The following AGAP1 variants were observed in gnomAD, a reference collection of about 807,000 sequenced individuals.
AGAP1 encodes ArfGAP with GTPase domain, ankyrin repeat and PH domain 1.
Under a neutral mutation model 105.3 loss-of-function variants are expected in AGAP1, and 29 were observed. The ratio of observed to expected loss-of-function variants is 0.28; its 90% confidence interval spans 0.21 to 0.38. The LOEUF (loss-of-function observed/expected upper bound fraction) is 0.38. AGAP1 is among the 10% of genes least tolerant of loss of function. The pLI is 1.00. For missense variants in AGAP1, 998 were observed against 1,165.1 expected, an observed-to-expected ratio of 0.86 and a Z score of 2.09; for synonymous variants, 509 against 485.9, an observed-to-expected ratio of 1.05 and a Z score of -0.63.
intron 9 of AGAP1, among the ~76,000 whole-genome samples, chr2:235,853,481 T>C (rs1398541924): frequency 1.3e-5 from 2 of 152,248 alleles, no homozygotes; most frequent in Non-Finnish European, 2.9e-5. Flanking sequence ...TGTGAGCCTT[T>C]CTTTTCCTCT....
At chr2:235,840,701 C>G (rs1191985634) in intron 9 of AGAP1, among the ~76,000 whole-genome samples, 1 of 150,770 alleles carries the variant, frequency 6.6e-6, no homozygotes, top group South Asian at 2.1e-4. Flanking sequence ...TGGAGGCTTT[C>G]GGAAAGTAGA....
In AGAP1 at chr2:236,101,520, C is replaced by T. The variant is rs527820410; in HGVS notation, c.2115-18672C>T. 3.9e-5 allele frequency among the ~76,000 whole-genome samples: 6 copies of T among 152,314 alleles called. No individual in the cohort carries two copies. Among genetic ancestry groups the T allele is most frequent in the South Asian group, 2.1e-4 (1 of 4,828 alleles). On this transcript the variant is annotated intron_variant, in intron 16 of 17. Coordinates refer to ENST00000304032, the MANE Select transcript of AGAP1 (RefSeq NM_001037131.3). The surrounding 1 kb of genome is among the most constrained non-coding windows in gnomAD (Gnocchi z 4.9). ...CTCTGCAGTCACTCCGGCCTGTCCC[C>T]GCCTCTTCCGTGTGAGAAGAGCCTT...
In AGAP1 at chr2:235,741,032, G is replaced by C. The variant is rs773218170; in HGVS notation, c.380G>C (p.Gly127Ala). 4 of 1,613,710 alleles carry C rather than the reference G, an allele frequency of 2.5e-6. No individual in the cohort carries two copies. Among genetic ancestry groups the C allele is most frequent in the African/African-American group, 1.3e-5 (1 of 74,924 alleles). The change falls in exon 4 of 18, where the codon GGC becomes GCC. Residue 127 changes from glycine to alanine, a missense_variant. Physicochemically the swap from Gly to Ala is moderately conservative, Grantham distance 60. This residue lies in a region of AGAP1 where 735 missense variants were observed against 833.4 expected (regional missense o/e 0.88). Transcript: ENST00000304032. This position sits in a 1 kb window ranked among gnomAD's most constrained non-coding sequence, Gnocchi z 4.9. ...CTGCTGCTGATCAGAGATGAAGGGG[G>C]CCCCCCGGAGGCGCAGGTGAGTATA... ...SYLLLIRDEG[G>A]PPEAQFAMWV... is the part of the protein sequence containing the mutation.
Position 235,664,107 on chromosome 2 carries a change from T to C in AGAP1, c.164-45072T>C, listed in dbSNP as rs1362285322. Among the ~76,000 whole-genome samples, 1 of 152,184 alleles carries C rather than the reference T, an allele frequency of 6.6e-6. No homozygotes were observed. Among genetic ancestry groups the C allele is most frequent in the East Asian group, 1.9e-4 (1 of 5,192 alleles). On this transcript the variant is annotated intron_variant, in intron 1 of 17. Transcript: ENST00000304032. The surrounding 1 kb of genome is among the most constrained non-coding windows in gnomAD (Gnocchi z 5.7). The stretch of plus-strand genomic sequence containing the variant: ...TGGCCAGTGCCTGGCAGCTAGCGAG[T>C]GGCCAGAACTGGGAGCTGCTGTGTG...
chr2:235,595,372 C>T (rs1945492085), intron 1 of AGAP1, among the ~76,000 whole-genome samples: 1 of 152,136 alleles, frequency 6.6e-6, no homozygotes, highest in Admixed American at 6.5e-5. Flanking sequence ...GTCCAGTGGG[C>T]ACTGAAATAC....
rs1447293696 is a variant in AGAP1 at position 235,573,070 on chromosome 2, T to C, written c.163+78221T>C. On this transcript the variant is annotated intron_variant, in intron 1 of 17. Coordinates refer to ENST00000304032, the MANE Select transcript of AGAP1 (RefSeq NM_001037131.3). ...CTTCTTCTTCTTCTTCTTTCTTCTT[T>C]CTTCTTTCTTCTTTCTTCTTTCTTC... Among the ~76,000 whole-genome samples the C allele has an allele frequency of 1.1e-4, 15 of 135,136 alleles. 3 individuals are homozygous for C. Among genetic ancestry groups the C allele is most frequent in the African/African-American group, 4.4e-4 (14 of 31,940 alleles). The allele number at this position is 135,136 out of a possible 152,430, so 88.7% of individuals were successfully genotyped here.
chr2:236,120,934 G>A lies in AGAP1; in HGVS notation c.2370+487G>A, dbSNP rs1230014990. Among the ~76,000 whole-genome samples, 2 of 152,252 alleles carry A rather than the reference G, an allele frequency of 1.3e-5. No individual in the cohort carries two copies. Among genetic ancestry groups the A allele is most frequent in the Admixed American group, 6.5e-5 (1 of 15,284 alleles). ...ATTATTTACATTCCTATTGAAGCATGTGTCACAATGCTTGAAGGAGTGAAA... is the reference window on the plus strand; with the variant it reads ...ATTATTTACATTCCTATTGAAGCATATGTCACAATGCTTGAAGGAGTGAAA... On this transcript the variant is annotated intron_variant, in intron 17 of 17. Coordinates refer to ENST00000304032, the MANE Select transcript of AGAP1 (RefSeq NM_001037131.3). This position sits in a 1 kb window ranked among gnomAD's most constrained non-coding sequence, Gnocchi z 6.0.
chr2:235,748,714 AT>A (rs908362473), intron 5 of AGAP1, among the ~76,000 whole-genome samples: 1 of 152,264 alleles, frequency 6.6e-6, no homozygotes, highest in Non-Finnish European at 1.5e-5. Context: ...CTTTTTAAAT[AT>A]ACTTCAAAAA....
At chr2:235,545,209 G>A (rs573201379) in intron 1 of AGAP1, among the ~76,000 whole-genome samples, 1 of 152,308 alleles carries the variant, frequency 6.6e-6, no homozygotes, top group East Asian at 1.9e-4. Flanking sequence ...TAGTGCCATT[G>A]AGGAAAATCA....
rs192541248 is a variant in AGAP1, at chr2:235,845,236, G to A, written c.1050+37905G>A. 3.0e-3 allele frequency among the ~76,000 whole-genome samples: 457 copies of A among 152,316 alleles called. 12 individuals carry two copies. The highest frequency in any genetic ancestry group is 0.026 in the Admixed American group (403 of 15,302). On this transcript the variant is annotated intron_variant, in intron 9 of 17. Coordinates refer to ENST00000304032, the MANE Select transcript of AGAP1 (RefSeq NM_001037131.3). The surrounding 1 kb of genome is among the most constrained non-coding windows in gnomAD (Gnocchi z 4.8). ...CCCAGGATCTCACAAAGGCCCAGCAGCAAGTACAGGGGAGACAGCCAGACC... is the reference window on the plus strand; with the variant it reads ...CCCAGGATCTCACAAAGGCCCAGCAACAAGTACAGGGGAGACAGCCAGACC...
intron 1 of AGAP1, among the ~76,000 whole-genome samples, chr2:235,606,222 C>T (rs367645699): frequency 9.9e-5 from 15 of 152,276 alleles, no homozygotes; most frequent in Middle Eastern, 3.4e-3. Flanking sequence ...CATATGTTTG[C>T]GGCTGCCCTT....
At chr2:235,646,127 T>C (rs1261701380) in intron 1 of AGAP1, among the ~76,000 whole-genome samples, 1 of 151,922 alleles carries the variant, frequency 6.6e-6, no homozygotes, top group Non-Finnish European at 1.5e-5. Context: ...ATACAAAAAT[T>C]AGCTGGGCGT....
rs1483844051 is a variant in AGAP1 at position 235,551,584 on chromosome 2, C to G, written c.163+56735C>G. The stretch of plus-strand genomic sequence containing the variant: ...AAAGTGCTGGGATTATAGGCATCAA[C>G]TACCATTGCCAGCCTGAGCTGCATG... On this transcript the variant is annotated intron_variant, in intron 1 of 17. Coordinates refer to ENST00000304032, the MANE Select transcript of AGAP1 (RefSeq NM_001037131.3). The surrounding 1 kb of genome is among the most constrained non-coding windows in gnomAD (Gnocchi z 4.8). Among the ~76,000 whole-genome samples the G allele has an allele frequency of 6.6e-6, 1 of 152,226 alleles. No individual in the cohort carries two copies. Among genetic ancestry groups the G allele is most frequent in the Non-Finnish European group, 1.5e-5 (1 of 68,046 alleles).
At chr2:235,955,450 C>T (rs1187887779) in intron 12 of AGAP1, among the ~76,000 whole-genome samples, 1 of 152,146 alleles carries the variant, frequency 6.6e-6, no homozygotes, top group African/African-American at 2.4e-5. Flanking sequence ...TGCTCATGTT[C>T]ATGAGCCTGT....
rs1459270596 is a variant in AGAP1 at position 235,864,300 on chromosome 2, G to C, written c.1051-19045G>C. ...CAGAATGCCCCCATCATGTGAAGGG[G>C]TTCGGCTCACTCTGTGGCCGGCCTG... On this transcript the variant is annotated intron_variant, in intron 9 of 17. Transcript: ENST00000304032. This position sits in a 1 kb window ranked among gnomAD's most constrained non-coding sequence, Gnocchi z 5.0. Among the ~76,000 whole-genome samples, 1 of 152,220 alleles carries C rather than the reference G, an allele frequency of 6.6e-6. No homozygotes were observed. The highest frequency in any genetic ancestry group is 1.5e-5 in the Non-Finnish European group (1 of 68,042).
intron 6 of AGAP1, among the ~76,000 whole-genome samples, chr2:235,784,889 G>C (rs1956525025): frequency 6.6e-6 from 1 of 152,142 alleles, no homozygotes; most frequent in Non-Finnish European, 1.5e-5. Context: ...ATGGATGGGT[G>C]CTGGGGAGAG....
chr2:236,094,311 A>G (rs2059137521), intron 16 of AGAP1, among the ~76,000 whole-genome samples: 1 of 151,754 alleles, frequency 6.6e-6, no homozygotes, highest in Admixed American at 6.6e-5. Context: ...AAAAAATTGC[A>G]AATACGATGG....
rs1273729644 is a variant in AGAP1, at chr2:235,967,913, A to G, written c.1484-549A>G. 6.6e-6 allele frequency among the ~76,000 whole-genome samples: 1 copy of G among 152,220 alleles called. No individual in the cohort carries two copies. Among genetic ancestry groups the G allele is most frequent in the Non-Finnish European group, 1.5e-5 (1 of 68,040 alleles). On this transcript the variant is annotated intron_variant, in intron 12 of 17. Coordinates refer to ENST00000304032, the MANE Select transcript of AGAP1 (RefSeq NM_001037131.3). This position sits in a 1 kb window ranked among gnomAD's most constrained non-coding sequence, Gnocchi z 4.7. ...CGACTTCCAAACACTGTCACTGGAC[A>G]TTGGTGAGAGAGAGAAAAAAATGGC...
At chr2:236,039,562 C>G (rs563144531) in intron 14 of AGAP1, among the ~76,000 whole-genome samples, 33 of 152,294 alleles carry the variant, frequency 2.2e-4, no homozygotes, top group African/African-American at 7.9e-4. Flanking sequence ...TATGTTCTTA[C>G]AGCATCGTTT....
Sources: gnomAD v4.1 joint callset for allele counts (sites outside exome capture counted in the v4.1 genomes callset) on GRCh38, gnomAD v4.1.1 for gene constraint, gnomAD v4.1.1 regional missense constraint, Gnocchi (gnomAD v3.1) non-coding constraint, MANE v1.5 for transcripts, NCBI Gene and HGNC (gene_info 2026-07-23, HGNC 2026-07-21) for gene names.